Variants in RNF128 observed in about 807,000 individuals in gnomAD.
The protein encoded by RNF128 is E3 ubiquitin-protein ligase RNF128.
RNF128 carries 13 observed loss-of-function variants against 26.2 expected under a neutral mutation model. The ratio of observed to expected loss-of-function variants is 0.50; its 90% CI spans 0.32 to 0.79. RNF128 has a LOEUF of 0.79. Ranked by LOEUF, RNF128 falls within the 30% of genes least tolerant of loss-of-function variation. RNF128 has a pLI of 0.03. For synonymous variants in RNF128, 149 were observed against 142.5 expected (o/e 1.05, Z -0.32); for missense variants, 315 against 349.7 (o/e 0.90, Z 0.79).
intron 1 of RNF128, among the ~76,000 whole-genome samples, chrX:106,713,968 G>A (rs909624206): frequency 9.0e-6 from 1 of 111,235 alleles, no homozygotes; most frequent in East Asian, 2.8e-4. Flanking sequence ...GAGGTCAGGA[G>A]ATCGAGACCA....
intron 6 of RNF128, among the ~76,000 whole-genome samples, chrX:106,795,181 T>A (rs1180736179): frequency 2.7e-5 from 3 of 111,916 alleles, no homozygotes; most frequent in African/African-American, 6.5e-5. Flanking sequence ...GTTGATTTTT[T>A]AAATCTGTCT....
intron 1 of RNF128, among the ~76,000 whole-genome samples, chrX:106,733,155 G>T (rs1929529838): frequency 9.0e-6 from 1 of 111,206 alleles, no homozygotes; most frequent in Non-Finnish European, 1.9e-5. Flanking sequence ...TATACAGGAA[G>T]ATGTGCACTG....
intron 1 of RNF128, among the ~76,000 whole-genome samples, chrX:106,730,891 C>G (rs1334551389): frequency 3.6e-5 from 4 of 111,091 alleles, no homozygotes; most frequent in Non-Finnish European, 7.5e-5. Context: ...TGATATATAA[C>G]ACAGTTGCTT....
chrX:106,728,366 G>A (rs1348143083), intron 1 of RNF128, among the ~76,000 whole-genome samples: 1 of 112,058 alleles, frequency 8.9e-6, no homozygotes, highest in Non-Finnish European at 1.9e-5. Flanking sequence ...GTGACCTTGG[G>A]CAACTTATTT....
upstream of RNF128, among the ~76,000 whole-genome samples, chrX:106,725,835 G>A (rs1381511384): frequency 8.9e-6 from 1 of 112,839 alleles, no homozygotes; most frequent in African/African-American, 3.2e-5. Flanking sequence ...CTTAATTCAA[G>A]GCTCATTTGT....
chrX:106,787,148 G>T (rs1042105894), intron 3 of RNF128, among the ~76,000 whole-genome samples: 1 of 111,247 alleles, frequency 9.0e-6, no homozygotes, highest in Admixed American at 9.6e-5. Context: ...AAACACAACT[G>T]TTCATAGCAG....
chrX:106,727,660 T>C (rs1322105726), intron 1 of RNF128, among the ~76,000 whole-genome samples: 1 of 111,098 alleles, frequency 9.0e-6, no homozygotes, highest in Admixed American at 9.5e-5. Context: ...CTGTTTGAGC[T>C]CTTTGCGTTC....
chrX:106,751,264 G>A (rs927770049), intron 1 of RNF128, among the ~76,000 whole-genome samples: 1 of 111,277 alleles, frequency 9.0e-6, no homozygotes, highest in African/African-American at 3.3e-5. Flanking sequence ...GAGAAAATCT[G>A]TGTGTTTAGG....
intron 1 of RNF128, among the ~76,000 whole-genome samples, chrX:106,739,280 C>T (rs1244764364): frequency 9.0e-6 from 1 of 110,731 alleles, no homozygotes; most frequent in Non-Finnish European, 1.9e-5. Flanking sequence ...CTGCCTCAGC[C>T]TCCTGAGTAG....
At chrX:106,774,787 T>C (rs746494425) in intron 2 of RNF128, among the ~76,000 whole-genome samples, 20 of 111,932 alleles carry the variant, frequency 1.8e-4, no homozygotes, top group Admixed American at 2.9e-4. Context: ...TGCTTTCAGA[T>C]GAAAATACAT....
chrX:106,753,846 A>G (rs992054256), intron 1 of RNF128, among the ~76,000 whole-genome samples: 1 of 112,355 alleles, frequency 8.9e-6, no homozygotes, highest in Admixed American at 9.4e-5. Context: ...AACTATAAAA[A>G]GAGATAAAGA....
chrX:106,788,366 ATATAT>A (rs1236611357), intron 4 of RNF128, among the ~76,000 whole-genome samples: 3 of 48,053 alleles, frequency 6.2e-5, no homozygotes, highest in African/African-American at 1.1e-4. Flanking sequence ...ACTATATATA[ATATAT>A]ATTATATATT....
chrX:106,781,994 G>A (rs1386915043), intron 2 of RNF128, among the ~76,000 whole-genome samples: 1 of 112,281 alleles, frequency 8.9e-6, no homozygotes, highest in Non-Finnish European at 1.9e-5. Context: ...TTGCATTATA[G>A]TCTTGGCTAT....
intron 1 of RNF128, among the ~76,000 whole-genome samples, chrX:106,719,259 G>C (rs756344576): frequency 1.9e-5 from 2 of 106,581 alleles, no homozygotes; most frequent in Admixed American, 2.0e-4. Flanking sequence ...AGTCTCTGTT[G>C]CCCTGGCTGG....
intron 6 of RNF128, among the ~76,000 whole-genome samples, chrX:106,794,177 A>G (rs1446782201): frequency 1.8e-5 from 2 of 110,637 alleles, no homozygotes; most frequent in African/African-American, 3.3e-5. Flanking sequence ...TTATTGTACT[A>G]TAGGATCCTA....
chrX:106,693,924 G>A, exon 1 of RNF128: 1 of 923,556 alleles, frequency 1.1e-6, no homozygotes, highest in Non-Finnish European at 1.5e-6. Flanking sequence ...CTGTTCAGCA[G>A]GGACGTGAGT....
intron 2 of RNF128, among the ~76,000 whole-genome samples, chrX:106,777,894 C>T (rs1167468492): frequency 9.0e-6 from 1 of 110,969 alleles, no homozygotes; most frequent in Non-Finnish European, 1.9e-5. Flanking sequence ...CACTTGAGCC[C>T]GGGAGGCAGA....
chrX:106,775,400 T>C (rs1473198702), intron 2 of RNF128, among the ~76,000 whole-genome samples: 1 of 111,996 alleles, frequency 8.9e-6, no homozygotes, highest in African/African-American at 3.2e-5. Context: ...TAAAGAACTT[T>C]GTCTGGTGTT....
chrX:106,741,203 C>G (rs1569439575), intron 1 of RNF128, among the ~76,000 whole-genome samples: 1 of 111,686 alleles, frequency 9.0e-6, no homozygotes, highest in East Asian at 2.8e-4. Context: ...AATAGCATAT[C>G]TTATTTTTTT....
Sources: allele counts gnomAD v4.1 joint callset (sites outside exome capture counted in the v4.1 genomes callset), GRCh38; gene constraint gnomAD v4.1.1; transcripts MANE v1.5; gene names NCBI Gene and HGNC (gene_info 2026-07-23, HGNC 2026-07-21).